CDH15: variants seen among roughly 807,000 people sequenced by gnomAD.
CDH15 encodes cadherin 15, also known as cadherin-15.
CDH15 carries 73 observed loss-of-function variants against 69.4 expected under a neutral mutation model. That is an observed-to-expected ratio of 1.05 (90% CI 0.87 to 1.28). The LOEUF is 1.28. CDH15 is among the 50% of genes most tolerant of loss of function. The pLI, the probability that CDH15 is intolerant of heterozygous loss-of-function variation, is 0.00. For synonymous variants in CDH15, 624 were observed against 507.7 expected (o/e 1.23, Z -3.08); for missense variants, 1,343 against 1,133.6 (o/e 1.18, Z -2.65).
At chr16:89,192,675 C>T (rs1915680160) in intron 11 of CDH15, among the ~76,000 whole-genome samples, 1 of 55,450 alleles carries the variant, frequency 1.8e-5, no homozygotes, top group East Asian at 4.6e-4. Context: ...TCCCTAACCC[C>T]GCCCCCTCAT....
chr16:89,179,552 G>C lies in CDH15; in HGVS notation c.179G>C (p.Arg60Pro), dbSNP rs141444660. 6 of 1,606,630 alleles carry C rather than the reference G, an allele frequency of 3.7e-6. No homozygotes were observed. In the African/African-American group the frequency reaches 5.4e-5, roughly 14 times the overall value. Reference sequence around the variant, plus strand: ...ATCAGCGTATCCGAGAACCACAAGCGTCTCCCCTACCCCCTGGTTCAGGTG... The same window carrying C: ...ATCAGCGTATCCGAGAACCACAAGCCTCTCCCCTACCCCCTGGTTCAGGTG... Reference protein sequence around the residue: ...PPISVSENHKRLPYPLVQIKS... With the variant: ...PPISVSENHKPLPYPLVQIKS... Residue 60 changes from arginine (R) to proline (P), a missense_variant, in exon 2 of 14, where the codon CGT (arginine) becomes CCT (proline). Arg to Pro is a moderately radical substitution (Grantham distance 103). Transcript: ENST00000289746.
chr16:89,192,499 C>T, intron 11 of CDH15, 55 bp downstream of exon 11: 1 of 1,544,658 alleles, frequency 6.5e-7, no homozygotes, highest in Non-Finnish European at 8.7e-7. Context: ...CCCTCCTCCC[C>T]AGGCCGTCCC....
At position 89,192,292 on chromosome 16, in the gene CDH15, C is replaced by A; in HGVS notation, c.1703C>A (p.Pro568His). 1 of 1,532,382 alleles carries A rather than the reference C, an allele frequency of 6.5e-7. No individual in the cohort carries two copies. The highest frequency in any genetic ancestry group is 1.2e-5 in the South Asian group (1 of 83,874). 94.9% of individuals were successfully genotyped at this position (1,532,382 alleles called of 1,614,324 possible). A position where few individuals can be genotyped will look rare whatever the true frequency, so the allele number is the denominator to read the frequency against. Residue 568 changes from proline (P) to histidine (H), a missense_variant, in exon 11 of 14, where the codon CCC (proline) becomes CAC (histidine). By Grantham distance (77) the Pro-to-His change is moderately conservative. Transcript: ENST00000289746. ...CTGCTCCGGGACTCGGGGCAGCCGC[C>A]CCAGCAGCGCGAGCAGCCTCTGAAC... ...SLLLRDSGQPPQQREQPLNVT... is the reference protein window; with the variant it reads ...SLLLRDSGQPHQQREQPLNVT...
At chr16:89,185,124 C>T in intron 4 of CDH15, 49 bp from the exon 5 acceptor site, 1 of 1,539,772 alleles carries the variant, frequency 6.5e-7, no homozygotes, top group Non-Finnish European at 8.8e-7. Context: ...ATGCCCCCAG[C>T]CCATCGGCCC....
chr16:89,192,195 C>A lies in CDH15; in HGVS notation c.1616-10C>A, dbSNP rs983258883. On this transcript the variant is annotated splice_polypyrimidine_tract_variant and intron_variant, in intron 10 of 13. Coordinates refer to ENST00000289746, the MANE Select transcript of CDH15 (RefSeq NM_004933.3). Reference sequence around the variant, plus strand: ...GGGAGGCCCTCGCTCACCACAGGCGCCCTCCGCAGTGAGCCACGCGCGCCT... The same window carrying A: ...GGGAGGCCCTCGCTCACCACAGGCGACCTCCGCAGTGAGCCACGCGCGCCT... 7.2e-6 allele frequency: 11 copies of A among 1,528,308 alleles called. No homozygotes were observed. Among genetic ancestry groups the A allele is most frequent in the Middle Eastern group, 2.3e-4 (1 of 4,362 alleles). 94.7% of individuals were successfully genotyped at this position (1,528,308 alleles called of 1,614,324 possible).
intron 5 of CDH15, chr16:89,185,753 T>A: frequency 3.4e-6 from 1 of 293,022 alleles, no homozygotes; most frequent in African/African-American, 2.2e-5. Flanking sequence ...CACTGTTACG[T>A]GGTCTTTGTC....
intron 13 of CDH15, 102 bp from the exon 14 acceptor site, chr16:89,194,760 T>C: frequency 1.6e-6 from 2 of 1,222,378 alleles, no homozygotes; most frequent in Non-Finnish European, 2.3e-6. Flanking sequence ...TTCCCCTTCC[T>C]GAGCCCGTGC....
intron 1 of CDH15, among the ~76,000 whole-genome samples, chr16:89,173,548 C>T (rs549969545): frequency 1.3e-3 from 191 of 152,268 alleles, no homozygotes; most frequent in African/African-American, 4.5e-3. Flanking sequence ...AGGGGACTAT[C>T]GCCAAGGCTC....
chr16:89,190,838 G>A (rs1045848049), intron 8 of CDH15, among the ~76,000 whole-genome samples: 1 of 152,102 alleles, frequency 6.6e-6, no homozygotes, highest in South Asian at 2.1e-4. Context: ...CACGGGGCCC[G>A]GGAAGGGCCA....
At position 89,183,528 on chromosome 16, in the gene CDH15, C is replaced by G. The variant is rs774453478; in HGVS notation, c.358-20C>G. 10 of 1,613,996 alleles carry G rather than the reference C, an allele frequency of 6.2e-6. No individual in the cohort carries two copies. The highest frequency in any genetic ancestry group is 8.5e-6 in the Non-Finnish European group (10 of 1,180,024). On this transcript the variant is annotated intron_variant, in intron 3 of 13. Coordinates refer to ENST00000289746, the MANE Select transcript of CDH15 (RefSeq NM_004933.3). The stretch of plus-strand genomic sequence containing the variant: ...AAATTTGGGGGCCACAGAGCCAGCC[C>G]TTGCTCTATGTTTGAACAGCTAAGA...
chr16:89,179,515 GT>G lies in CDH15; in HGVS notation c.143del (p.Val48AlafsTer73). ...CCTGAGCCGCGTGCGGAGGGCCTGG[GT>G]CATCCCCCCGATCAGCGTATCCGAG... ...PALSRVRRAW[V>X]IPPISVSENH... On this transcript the variant is annotated frameshift_variant, in exon 2 of 14. Transcript: ENST00000289746. LOFTEE classifies it high-confidence loss of function. 6.2e-7 allele frequency: 1 copy of G among 1,612,960 alleles called. No homozygotes were observed. The highest frequency in any genetic ancestry group is 8.5e-7 in the Non-Finnish European group (1 of 1,179,614).
chr16:89,189,364 C>CACAGATGCCGGCACAG (rs1915587567), intron 7 of CDH15, among the ~76,000 whole-genome samples: 1 of 151,984 alleles, frequency 6.6e-6, no homozygotes. Context: ...TGCCGGCACA[C>CACAGATGCCGGCACAG]ACAGATGCTG....
At chr16:89,172,220 A>G (rs1029841232) in intron 1 of CDH15, among the ~76,000 whole-genome samples, 3 of 151,528 alleles carry the variant, frequency 2.0e-5, no homozygotes, top group Non-Finnish European at 4.4e-5. Flanking sequence ...GAGCAGAGAG[A>G]GGGGGGAGCG....
Position 89,183,479 on chromosome 16 carries a change from G to T in CDH15, c.358-69G>T, listed in dbSNP as rs529578308. 26 of 1,575,536 alleles carry T rather than the reference G, an allele frequency of 1.7e-5. No homozygotes were observed. In the East Asian group the frequency reaches 5.4e-4, roughly 33 times the overall value. Reference sequence around the variant, plus strand: ...AAAGTCTGAACGTGCTGTCTCTTTCGCATGGCCCTAACGGGAGCCACAGAA... The same window carrying T: ...AAAGTCTGAACGTGCTGTCTCTTTCTCATGGCCCTAACGGGAGCCACAGAA... On this transcript the variant is annotated intron_variant, in intron 3 of 13. Transcript: ENST00000289746.
intron 3 of CDH15, 127 bp from the exon 4 acceptor site, chr16:89,183,421 C>T (rs756752043): frequency 8.8e-5 from 95 of 1,082,530 alleles, no homozygotes; most frequent in Non-Finnish European, 1.1e-4. Context: ...TGCTGTTTCT[C>T]GCCTGTTTAA....
chr16:89,191,945 C>T (rs1392663784), intron 10 of CDH15, 51 bp downstream of exon 10: 1 of 1,490,196 alleles, frequency 6.7e-7, no homozygotes. Context: ...TCCCCCCACC[C>T]CCACATTCCG....
intron 1 of CDH15, among the ~76,000 whole-genome samples, chr16:89,175,780 C>T (rs1030352650): frequency 6.6e-6 from 1 of 152,232 alleles, no homozygotes; most frequent in African/African-American, 2.4e-5. Context: ...GGCAGGGTCC[C>T]CTGCCTGGGA....
chr16:89,176,133 C>T (rs1915250600), intron 1 of CDH15, among the ~76,000 whole-genome samples: 1 of 152,256 alleles, frequency 6.6e-6, no homozygotes, highest in African/African-American at 2.4e-5. Context: ...TGACAGGCTT[C>T]CTGGCCATGC....
At chr16:89,185,869 G>A (rs989725655) in intron 5 of CDH15, 6 of 210,220 alleles carry the variant, frequency 2.9e-5, no homozygotes, top group Non-Finnish European at 5.9e-5. Context: ...TGCTTACCCA[G>A]CGCACAGTAG....
Sources: allele counts gnomAD v4.1 joint callset (sites outside exome capture counted in the v4.1 genomes callset), GRCh38; gene constraint gnomAD v4.1.1; transcripts MANE v1.5; gene names NCBI Gene and HGNC (gene_info 2026-07-23, HGNC 2026-07-21).